The following URB2 variants were observed in gnomAD, a reference collection of about 807,000 sequenced individuals.
URB2 encodes unhealthy ribosome biogenesis protein 2 homolog.
A neutral mutation model predicts 120.9 loss-of-function variants in URB2; 86 were observed. That is an observed-to-expected ratio of 0.71 (90% confidence interval 0.60 to 0.85). URB2 has a LOEUF of 0.85. Ranked by LOEUF, URB2 falls within the 40% of genes least tolerant of loss-of-function variation. The probability of loss-of-function intolerance (pLI) is 0.00; values close to 1 mark genes in which losing one functional copy is unlikely to be tolerated. For synonymous variants in URB2, 755 were observed against 758.4 expected, an observed-to-expected ratio of 1.00 and a Z score of 0.07; for missense variants, 1,765 against 1,836.5, an observed-to-expected ratio of 0.96 and a Z score of 0.71.
Position 229,636,014 on chromosome 1 carries a change from A to G in URB2, c.1401A>G (p.Pro467=). The G allele has an allele frequency of 6.2e-7, 1 of 1,613,806 alleles. No individual in the cohort carries two copies. The change falls in exon 4 of 10, where the codon CCA becomes CCG. Residue 467 remains proline, a synonymous_variant. Transcript: ENST00000258243. ...CTTATGCCAAACTCCGACAAGTGCCACGGTTGTTTGAAGAGGTTTTGGGGG... is the reference window on the plus strand; with the variant it reads ...CTTATGCCAAACTCCGACAAGTGCCGCGGTTGTTTGAAGAGGTTTTGGGGG... ...FQTYAKLRQV[P]RLFEEVLGVI... is the part of the protein sequence containing the mutation.
Position 229,659,086 on chromosome 1 carries a change from G to A in URB2, c.4378-14G>A. 1 of 1,607,502 alleles carries A rather than the reference G, an allele frequency of 6.2e-7. No homozygotes were observed. On this transcript the variant is annotated splice_polypyrimidine_tract_variant and intron_variant, in intron 9 of 9. Coordinates refer to ENST00000258243, the MANE Select transcript of URB2 (RefSeq NM_014777.4). Reference sequence around the variant, plus strand: ...CCCCCAATTGTTCTCACAGAGGTTTGCCTTTTTCCTCAGGTGACCTTATAT... The same window carrying A: ...CCCCCAATTGTTCTCACAGAGGTTTACCTTTTTCCTCAGGTGACCTTATAT...
chr1:229,632,780 G>A (rs142543396), intron 3 of URB2, among the ~76,000 whole-genome samples: 74 of 150,522 alleles, frequency 4.9e-4, no homozygotes, highest in Admixed American at 9.3e-4. Context: ...GGAGATCAAA[G>A]GCCAAAATCC....
chr1:229,652,754 G>T (rs796478986), intron 8 of URB2, among the ~76,000 whole-genome samples: 1 of 152,236 alleles, frequency 6.6e-6, no homozygotes, highest in South Asian at 2.1e-4. Flanking sequence ...AGTCATGTCT[G>T]CCTGGACGGA....
At chr1:229,645,343 A>G (rs188536030) in intron 5 of URB2, among the ~76,000 whole-genome samples, 53 of 152,074 alleles carry the variant, frequency 3.5e-4, no homozygotes, top group Admixed American at 1.4e-3. Context: ...CTCCCACCAT[A>G]TATTTTGAAA....
Position 229,637,789 on chromosome 1 carries a change from C to T in URB2, c.3176C>T (p.Ser1059Phe). ...CAGGGCAGGCAGCTCCTTCTGGTGT[C>T]TTTAACCAGGTTGTGCCATGTCCTG... ...NPQGRQLLLV[S>F]LTRLCHVLGP... is the part of the protein sequence containing the mutation. The change falls in exon 4 of 10, where the codon TCT becomes TTT. Residue 1059 changes from serine to phenylalanine, a missense_variant. Physicochemically the swap from Ser to Phe is radical, Grantham distance 155. Transcript: ENST00000258243. 1.2e-6 allele frequency: 2 copies of T among 1,613,980 alleles called. No homozygotes were observed. Among genetic ancestry groups the T allele is most frequent in the Non-Finnish European group, 1.7e-6 (2 of 1,180,016 alleles).
rs776260888 is a variant in URB2 at position 229,634,922 on chromosome 1, C to G, written c.309C>G (p.Ile103Met). 7 of 1,522,160 alleles carry G rather than the reference C, an allele frequency of 4.6e-6. No homozygotes were observed. In the Admixed American group the frequency reaches 1.5e-4, roughly 33 times the overall value. 94.3% of individuals were successfully genotyped at this position (1,522,160 alleles called of 1,614,324 possible). The change falls in exon 4 of 10, where the codon ATC (isoleucine) becomes ATG (methionine). Residue 103 changes from isoleucine to methionine, a missense_variant. Ile to Met is a conservative substitution (Grantham distance 10). Transcript: ENST00000258243. ...CTTTCTTTCTTAATGTTCAGATCATCAATGAGAGAGTAGCTGAGTTCTCTC... is the reference window on the plus strand; with the variant it reads ...CTTTCTTTCTTAATGTTCAGATCATGAATGAGAGAGTAGCTGAGTTCTCTC... ...INLQISLVKI[I>M]NERVAEFSLS... is the part of the protein sequence containing the mutation.
At chr1:229,652,719 A>G (rs1186248541) in intron 8 of URB2, among the ~76,000 whole-genome samples, 3 of 152,236 alleles carry the variant, frequency 2.0e-5, no homozygotes, top group Non-Finnish European at 4.4e-5. Flanking sequence ...GTCTGAGCTC[A>G]GCAAGGAGGA....
Position 229,635,574 on chromosome 1 carries a change from CAGCT to C in URB2, c.962_965del (p.Gln321LeufsTer14), listed in dbSNP as rs1263619757. 1.2e-6 allele frequency: 2 copies of C among 1,613,978 alleles called. No individual in the cohort carries two copies. Among genetic ancestry groups the C allele is most frequent in the Non-Finnish European group, 1.7e-6 (2 of 1,180,048 alleles). ...AGATTCTTACTTTAAGGAGGGAAAC[CAGCT>C]TCTCTGCTTCCAGGTTCTCCCCAGG... On this transcript the variant is annotated frameshift_variant, in exon 4 of 10. Transcript: ENST00000258243. LOFTEE classifies it high-confidence loss of function.
rs1437151847 is a variant in URB2, at chr1:229,659,691, C to T, written c.*394C>T. On this transcript the variant is annotated 3_prime_UTR_variant, in exon 10 of 10. Coordinates refer to ENST00000258243, the MANE Select transcript of URB2 (RefSeq NM_014777.4). ...GGGTACATGGGCGTATAATTCAGCC[C>T]TGTTTAAATATACTTGCCTTTCAAA... The T allele has an allele frequency of 3.2e-5, 5 of 158,298 alleles. No homozygotes were observed. Among genetic ancestry groups the T allele is most frequent in the Admixed American group, 1.9e-4 (3 of 16,054 alleles). The allele number at this position is 158,298 out of a possible 1,614,324, so 9.8% of individuals were successfully genotyped here.
rs370356535 is a variant in URB2 at position 229,637,932 on chromosome 1, G to C, written c.3319G>C (p.Ala1107Pro). The C allele has an allele frequency of 6.2e-7, 1 of 1,612,710 alleles. No homozygotes were observed. Among genetic ancestry groups the C allele is most frequent in the Admixed American group, 1.7e-5 (1 of 59,862 alleles). ...AVLQLCSVPG[A>P]RGWRLPSVLI... is the part of the protein sequence containing the mutation. Reference sequence around the variant, plus strand: ...GCTGCAGCTCTGCTCAGTGCCGGGGGCCCGGGGCTGGCGCCTTCCCTCGGT... The same window carrying C: ...GCTGCAGCTCTGCTCAGTGCCGGGGCCCCGGGGCTGGCGCCTTCCCTCGGT... Residue 1107 changes from alanine to proline, a missense_variant, in exon 4 of 10, where the codon GCC (alanine) becomes CCC (proline). Physicochemically the swap from Ala to Pro is conservative, Grantham distance 27. Transcript: ENST00000258243.
At chr1:229,633,290 C>T (rs1380448019) in intron 3 of URB2, among the ~76,000 whole-genome samples, 4 of 152,184 alleles carry the variant, frequency 2.6e-5, no homozygotes, top group African/African-American at 4.8e-5. Context: ...AATAATAAAC[C>T]AGTGGTCACC....
At chr1:229,629,989 C>G (rs1274871028) in intron 2 of URB2, among the ~76,000 whole-genome samples, 1 of 152,158 alleles carries the variant, frequency 6.6e-6, no homozygotes, top group African/African-American at 2.4e-5. Context: ...TTTATTAGTC[C>G]CATCTTCAGG....
intron 4 of URB2, 152 bp downstream of exon 4, chr1:229,638,399 A>G: frequency 2.3e-6 from 2 of 853,410 alleles, no homozygotes; most frequent in Non-Finnish European, 3.4e-6. Flanking sequence ...TAATCCCAGC[A>G]CTTTGGGAGG....
intron 9 of URB2, among the ~76,000 whole-genome samples, chr1:229,657,279 A>T (rs1243387293): frequency 6.6e-6 from 1 of 152,210 alleles, no homozygotes; most frequent in Admixed American, 6.5e-5. Context: ...AAACCTAAAG[A>T]TTTAAAGTGG....
Position 229,659,475 on chromosome 1 carries a change from ATT to A in URB2, c.*183_*184del. The A allele has an allele frequency of 1.7e-6, 1 of 591,708 alleles. No homozygotes were observed. The highest frequency in any genetic ancestry group is 2.8e-6 in the Non-Finnish European group (1 of 360,792). 36.7% of individuals were successfully genotyped at this position (591,708 alleles called of 1,614,324 possible). On this transcript the variant is annotated 3_prime_UTR_variant, in exon 10 of 10. Coordinates refer to ENST00000258243, the MANE Select transcript of URB2 (RefSeq NM_014777.4). ...TATTTTACATCGTGTTTTTCTTACTATTTTTTAATACATAGTTTTATGCAGTA... is the reference window on the plus strand; with the variant it reads ...TATTTTACATCGTGTTTTTCTTACTATTTTAATACATAGTTTTATGCAGTA...
chr1:229,656,188 C>A (rs1666403040), intron 9 of URB2, among the ~76,000 whole-genome samples: 2 of 152,118 alleles, frequency 1.3e-5, no homozygotes, highest in South Asian at 4.1e-4. Context: ...CCAAGCACAC[C>A]AGTCGTTAAC....
Position 229,627,235 on chromosome 1 carries a change from T to G in URB2, c.-13-386T>G, listed in dbSNP as rs1407133. Among the ~76,000 whole-genome samples the G allele has an allele frequency of 3.5e-3, 537 of 152,372 alleles. 3 individuals are homozygous for G. The highest frequency in any genetic ancestry group is 0.012 in the African/African-American group (511 of 41,586). On this transcript the variant is annotated intron_variant, in intron 1 of 9. Transcript: ENST00000258243. ...CATATTACTTTCTCCGGATATTGCT[T>G]ATGTATCTTTTCCTCTTTCAATTTG...
At chr1:229,646,324 G>A (rs975830623) in intron 6 of URB2, among the ~76,000 whole-genome samples, 1 of 152,188 alleles carries the variant, frequency 6.6e-6, no homozygotes, top group East Asian at 1.9e-4. Context: ...GAGTCTCACT[G>A]TGTGGTCCAG....
intron 8 of URB2, among the ~76,000 whole-genome samples, chr1:229,652,734 C>T (rs1666310878): frequency 6.6e-6 from 1 of 152,252 alleles, no homozygotes; most frequent in Non-Finnish European, 1.5e-5. Context: ...GGAGGAATCT[C>T]TGTTCTTGTA....
Sources: gnomAD v4.1 joint callset for allele counts (sites outside exome capture counted in the v4.1 genomes callset) on GRCh38, gnomAD v4.1.1 for gene constraint, MANE v1.5 for transcripts, NCBI Gene and HGNC (gene_info 2026-07-23, HGNC 2026-07-21) for gene names.